Variants in RGS12 observed in about 807,000 individuals in gnomAD.
RGS12 encodes regulator of G protein signaling 12.
In RGS12, 66 loss-of-function variants were observed where a neutral mutation model predicts 120.1. The observed-to-expected ratio is 0.55, with a 90% confidence interval of 0.45 to 0.67. The LOEUF is 0.67. RGS12 is among the 30% of genes least tolerant of loss of function. The pLI, the probability that RGS12 is intolerant of heterozygous loss-of-function variation, is 0.00. For synonymous variants in RGS12, 827 were observed against 804.7 expected, an observed-to-expected ratio of 1.03 and a Z score of -0.47; for missense variants, 1,859 against 1,957.7, an observed-to-expected ratio of 0.95 and a Z score of 0.95.
At chr4:3,341,847 G>A (rs752938939) in intron 2 of RGS12, among the ~76,000 whole-genome samples, 1 of 146,238 alleles carries the variant, frequency 6.8e-6, no homozygotes, top group African/African-American at 2.6e-5. Context: ...TGGGCGGAGG[G>A]TAGGGGCTGC....
chr4:3,367,172 G>A (rs1489652724), intron 3 of RGS12, among the ~76,000 whole-genome samples: 1 of 152,240 alleles, frequency 6.6e-6, no homozygotes, highest in Non-Finnish European at 1.5e-5. Context: ...GCGGTGATAT[G>A]CAGGCCTGAG....
chr4:3,356,469 C>T (rs1714909080), intron 3 of RGS12, among the ~76,000 whole-genome samples: 1 of 152,130 alleles, frequency 6.6e-6, no homozygotes, highest in Admixed American at 6.5e-5. Context: ...ACCATCACCA[C>T]CATCCATCTC....
rs868547220 is a variant in RGS12 at position 3,309,503 on chromosome 4, G to A, written c.-101-6567G>A. 1.0e-3 allele frequency among the ~76,000 whole-genome samples: 116 copies of A among 114,266 alleles called. 2 individuals carry two copies. The highest frequency in any genetic ancestry group is 2.8e-3 in the South Asian group (8 of 2,862). The allele number at this position is 114,266 out of a possible 152,430, so 75.0% of individuals were successfully genotyped here. ...CCGTGTGGGGGAGGAGCTGGGACCC[G>A]GGAAATGGCAGGTGTCCTCTGAGGA... On this transcript the variant is annotated intron_variant, in intron 1 of 17. Coordinates refer to ENST00000336727, the MANE Select transcript of RGS12 (RefSeq NM_001394154.1).
intron 3 of RGS12, among the ~76,000 whole-genome samples, chr4:3,355,603 TG>T (rs1714799620): frequency 6.6e-6 from 1 of 151,802 alleles, no homozygotes; most frequent in Non-Finnish European, 1.5e-5. Flanking sequence ...GAGACCAGCC[TG>T]GACAACATGG....
rs1050258683 is a variant in RGS12 at position 3,374,242 on chromosome 4, C to T, written c.1999-12174C>T. On this transcript the variant is annotated intron_variant, in intron 3 of 17. Transcript: ENST00000336727. This position sits in a 1 kb window ranked among gnomAD's most constrained non-coding sequence, Gnocchi z 6.3. Reference sequence around the variant, plus strand: ...GCAGACAGCAGGAGCTGCCGAGCTCCGAGTGCTGGGCCAGCTTGCCTTGGG... The same window carrying T: ...GCAGACAGCAGGAGCTGCCGAGCTCTGAGTGCTGGGCCAGCTTGCCTTGGG... Among the ~76,000 whole-genome samples the T allele has an allele frequency of 1.3e-5, 2 of 152,248 alleles. No individual in the cohort carries two copies. The highest frequency in any genetic ancestry group is 1.9e-4 in the East Asian group (1 of 5,192).
At chr4:3,341,810 C>G (rs1476432708) in intron 2 of RGS12, among the ~76,000 whole-genome samples, 1 of 95,074 alleles carries the variant, frequency 1.1e-5, no homozygotes, top group African/African-American at 4.3e-5. Context: ...GGGGTGTGGA[C>G]AGAAGGGAGG....
At chr4:3,341,173 C>T (rs529364911) in intron 2 of RGS12, among the ~76,000 whole-genome samples, 23 of 116,290 alleles carry the variant, frequency 2.0e-4, no homozygotes, top group African/African-American at 6.2e-4. Context: ...GGGCTGTGGG[C>T]GGAGGGGAGG....
intron 17 of RGS12, chr4:3,431,932 T>C: frequency 3.0e-6 from 3 of 985,442 alleles, no homozygotes; most frequent in Non-Finnish European, 3.6e-6. Flanking sequence ...CGTCTGTAGA[T>C]CTGTACATAT....
In RGS12 at chr4:3,417,601, G is replaced by C. The variant is rs763842531; in HGVS notation, c.2761+60G>C. The stretch of plus-strand genomic sequence containing the variant: ...GCCAGGCAGCCGCGTCCCCGTCCTG[G>C]CGTCGCTCTGGTGGTTGGCGGTGAC... On this transcript the variant is annotated intron_variant, in intron 9 of 17. Transcript: ENST00000336727. 9 of 1,576,024 alleles carry C rather than the reference G, an allele frequency of 5.7e-6. No individual in the cohort carries two copies. The Admixed American group carries it at 1.6e-4, about 27-fold the overall frequency.
intron 14 of RGS12, among the ~76,000 whole-genome samples, chr4:3,425,940 C>T (rs62644692): frequency 1.3e-4 from 1 of 7,886 alleles, no homozygotes; most frequent in African/African-American, 7.3e-4. Flanking sequence ...GGGGAGAGGG[C>T]GAGTGGGGCC....
chr4:3,408,534 C>T (rs183842747), intron 4 of RGS12, among the ~76,000 whole-genome samples: 43 of 152,268 alleles, frequency 2.8e-4, no homozygotes, highest in African/African-American at 8.4e-4. Flanking sequence ...GCAAGAATTC[C>T]GGGTGGACGT....
chr4:3,304,507 G>A lies in RGS12; in HGVS notation c.-102+11408G>A, dbSNP rs564112070. Among the ~76,000 whole-genome samples, 382 of 152,308 alleles carry A rather than the reference G, an allele frequency of 2.5e-3. 1 individual carries two copies. Among genetic ancestry groups the A allele is most frequent in the African/African-American group, 8.7e-3 (361 of 41,562 alleles). On this transcript the variant is annotated intron_variant, in intron 1 of 17. Transcript: ENST00000336727. ...CAGCTGGGGCTGCACTGTAGAGCCC[G>A]GACTGCAGTCAGCCAGCCTGGCTTT...
At chr4:3,308,463 G>A (rs1216975497) in intron 1 of RGS12, among the ~76,000 whole-genome samples, 1 of 152,204 alleles carries the variant, frequency 6.6e-6, no homozygotes, top group African/African-American at 2.4e-5. Flanking sequence ...AAGTCTTGGA[G>A]CGGGGCTAGC....
At chr4:3,295,094 C>T (rs1723295999) in intron 1 of RGS12, among the ~76,000 whole-genome samples, 1 of 152,018 alleles carries the variant, frequency 6.6e-6, no homozygotes, top group Admixed American at 6.6e-5. Context: ...GAAGGGGTGG[C>T]CAGGCCGAGG....
intron 4 of RGS12, among the ~76,000 whole-genome samples, chr4:3,398,537 A>G (rs972848067): frequency 6.6e-6 from 1 of 152,246 alleles, no homozygotes; most frequent in African/African-American, 2.4e-5. Context: ...ATAACAAGCA[A>G]TATTAAGAAA....
At chr4:3,346,041 C>T (rs971083691) in intron 3 of RGS12, among the ~76,000 whole-genome samples, 1 of 152,072 alleles carries the variant, frequency 6.6e-6, no homozygotes, top group Non-Finnish European at 1.5e-5. Context: ...CACCATGCCC[C>T]GACCTGTTTT....
intron 3 of RGS12, chr4:3,369,964 G>A (rs1716793716): frequency 8.7e-7 from 1 of 1,147,400 alleles, no homozygotes; most frequent in African/African-American, 1.6e-5. Context: ...CTGTTTTACT[G>A]ACTGAGAAAT....
intron 4 of RGS12, chr4:3,407,417 C>T (rs1395336944): frequency 1.3e-5 from 2 of 152,322 alleles, no homozygotes; most frequent in Non-Finnish European, 2.9e-5. Flanking sequence ...AGTGTGAGCT[C>T]AGGAGCAATG....
chr4:3,300,984 G>A (rs1286603263), intron 1 of RGS12, among the ~76,000 whole-genome samples: 1 of 152,230 alleles, frequency 6.6e-6, no homozygotes, highest in Non-Finnish European at 1.5e-5. Context: ...AGCCACGTGA[G>A]GAGGTCACAA....
Sources: allele counts gnomAD v4.1 joint callset (sites outside exome capture counted in the v4.1 genomes callset), GRCh38; gene constraint gnomAD v4.1.1; non-coding constraint Gnocchi (gnomAD v3.1); transcripts MANE v1.5; gene names NCBI Gene and HGNC (gene_info 2026-07-23, HGNC 2026-07-21).